RGPD3: variants seen among roughly 807,000 people sequenced by gnomAD.
RGPD3 encodes the protein ranBP2-like and GRIP domain-containing protein 3.
A neutral mutation model predicts 154.5 loss-of-function variants in RGPD3; 62 were observed. The observed-to-expected ratio is 0.40, with a 90% CI of 0.33 to 0.50. The LOEUF (loss-of-function observed/expected upper bound fraction) is 0.50, where lower values mean the gene tolerates loss of function less well. Among genes scored for constraint, RGPD3 ranks in the 20% least tolerant of loss-of-function variants. The pLI, the probability that RGPD3 is intolerant of heterozygous loss-of-function variation, is 0.59. For synonymous variants in RGPD3, 308 were observed against 607.0 expected, an observed-to-expected ratio of 0.51 and a Z score of 7.24; for missense variants, 919 against 1,716.8, an observed-to-expected ratio of 0.54 and a Z score of 8.21.
At chr2:106,415,050 A>G in intron 21 of RGPD3, among the ~76,000 whole-genome samples, 1 of 151,920 alleles carries the variant, frequency 6.6e-6, no homozygotes, top group Admixed American at 6.6e-5. Flanking sequence ...CTGAGGGGTG[A>G]TTTATCAGTG....
chr2:106,440,437 T>C, intron 8 of RGPD3, among the ~76,000 whole-genome samples: 1 of 151,622 alleles, frequency 6.6e-6, no homozygotes, highest in East Asian at 1.9e-4. Context: ...ATACAGGCAA[T>C]TTTTATCTAA....
At chr2:106,408,789 G>C (rs1676583718) in intron 22 of RGPD3, among the ~76,000 whole-genome samples, 1 of 151,982 alleles carries the variant, frequency 6.6e-6, no homozygotes, top group Non-Finnish European at 1.5e-5. Flanking sequence ...TTATAACAAA[G>C]AATCCTGCTG....
intron 1 of RGPD3, among the ~76,000 whole-genome samples, chr2:106,462,417 G>A (rs866767690): frequency 6.6e-6 from 1 of 150,572 alleles, no homozygotes; most frequent in Non-Finnish European, 1.5e-5. Context: ...ATATAGCTAG[G>A]AAGGAGCACA....
chr2:106,454,942 A>G (rs1678201888), intron 4 of RGPD3, among the ~76,000 whole-genome samples: 1 of 152,198 alleles, frequency 6.6e-6, no homozygotes, highest in African/African-American at 2.4e-5. Context: ...AAAAATCTGG[A>G]CATGATTGTT....
intron 1 of RGPD3, 127 bp downstream of exon 1, chr2:106,468,090 C>T: frequency 7.9e-7 from 1 of 1,265,774 alleles, no homozygotes; most frequent in South Asian, 1.6e-5. Flanking sequence ...GCCGCCTCCA[C>T]AGAGCGCGCC....
chr2:106,412,992 T>C (rs1676719590), intron 22 of RGPD3, 92 bp downstream of exon 22: 4 of 1,578,320 alleles, frequency 2.5e-6, no homozygotes, highest in African/African-American at 1.4e-5. Context: ...ATGAGCAAAA[T>C]TGAAAAGTTA....
chr2:106,448,022 TAAGTA>T (rs1452525548), intron 6 of RGPD3, among the ~76,000 whole-genome samples: 1 of 151,260 alleles, frequency 6.6e-6, no homozygotes, highest in Non-Finnish European at 1.5e-5. Flanking sequence ...TTCCAAATTA[TAAGTA>T]AATAATTGAC....
chr2:106,451,093 A>AC, intron 6 of RGPD3, among the ~76,000 whole-genome samples: 2 of 144,530 alleles, frequency 1.4e-5, no homozygotes, highest in African/African-American at 5.1e-5. Flanking sequence ...CTCTCAAAAA[A>AC]AAAAAAACAA....
chr2:106,416,039 T>C, intron 20 of RGPD3, 50 bp from the exon 21 acceptor site: 1 of 1,594,812 alleles, frequency 6.3e-7, no homozygotes, highest in Non-Finnish European at 8.5e-7. Context: ...ACATTACAGA[T>C]GAAGATTCTA....
Position 106,403,727 on chromosome 2 carries a change from A to G in RGPD3, c.*1492T>C, listed in dbSNP as rs1250618592. ...GAAATAGATGCATTTTCATTCATAC[A>G]TTCGCTAGTTAGGTCTGTTCTTCTA... On this transcript the variant is annotated 3_prime_UTR_variant, in exon 23 of 23. Transcript: ENST00000409886. 6.6e-6 allele frequency among the ~76,000 whole-genome samples: 1 copy of G among 152,280 alleles called. No homozygotes were observed. Among genetic ancestry groups the G allele is most frequent in the Non-Finnish European group, 1.5e-5 (1 of 68,054 alleles).
intron 1 of RGPD3, 144 bp from the exon 2 acceptor site, chr2:106,459,476 G>A: frequency 1.4e-5 from 6 of 441,972 alleles, no homozygotes; most frequent in South Asian, 1.3e-4. Flanking sequence ...CCTGACAAAT[G>A]CATAATTCCA....
At chr2:106,462,723 A>G (rs1292575838) in intron 1 of RGPD3, among the ~76,000 whole-genome samples, 1 of 152,008 alleles carries the variant, frequency 6.6e-6, no homozygotes, top group Non-Finnish European at 1.5e-5. Context: ...TCGCTCTGTC[A>G]CCCATCTTGC....
intron 7 of RGPD3, among the ~76,000 whole-genome samples, chr2:106,446,450 G>A (rs1677935522): frequency 6.7e-6 from 1 of 149,814 alleles, no homozygotes; most frequent in East Asian, 2.0e-4. Context: ...GGTGCCTGTA[G>A]TCCCAGCTAC....
Position 106,445,268 on chromosome 2 carries a change from G to A in RGPD3, c.978+2150C>T, listed in dbSNP as rs1166401535. Among the ~76,000 whole-genome samples the A allele has an allele frequency of 1.3e-4, 19 of 149,264 alleles. No individual in the cohort carries two copies. The East Asian group carries it at 2.2e-3, about 17-fold the overall frequency. ...CGTGCCACTGTGCTCCAGCCTGGGC[G>A]ACAGAGTGAGACTCCGTCTCAAAAA... is the stretch of plus-strand genomic sequence containing the variant. On this transcript the variant is annotated intron_variant, in intron 7 of 22. Coordinates refer to ENST00000409886, the MANE Select transcript of RGPD3 (RefSeq NM_001144013.2).
intron 7 of RGPD3, among the ~76,000 whole-genome samples, chr2:106,441,700 A>G (rs560093313): frequency 7.5e-5 from 11 of 147,184 alleles, no homozygotes; most frequent in African/African-American, 2.7e-4. Context: ...ACTAAAAATA[A>G]AAAAAAAAAA....
intron 20 of RGPD3, among the ~76,000 whole-genome samples, chr2:106,418,138 A>G (rs1676869974): frequency 1.4e-5 from 2 of 144,598 alleles, no homozygotes; most frequent in Non-Finnish European, 3.0e-5. Flanking sequence ...AAACAAAAAA[A>G]CAAACAAAAA....
Position 106,421,780 on chromosome 2 carries a change from G to A in RGPD3, c.4924+1263C>T, listed in dbSNP as rs1228126419. Among the ~76,000 whole-genome samples the A allele has an allele frequency of 1.9e-4, 29 of 151,394 alleles. 1 individual carries two copies. The highest frequency in any genetic ancestry group is 5.9e-4 in the East Asian group (3 of 5,098). On this transcript the variant is annotated intron_variant, in intron 20 of 22. Transcript: ENST00000409886. ...CCACTACATGTGAATACTGGCAGAC[G>A]TTAGTGGCTAAAGATAAACATTAGA... is the stretch of plus-strand genomic sequence containing the variant.
chr2:106,454,663 G>A (rs1678194423), intron 4 of RGPD3, among the ~76,000 whole-genome samples: 1 of 151,640 alleles, frequency 6.6e-6, no homozygotes, highest in South Asian at 2.1e-4. Flanking sequence ...TTTAAAGAAT[G>A]CTTCAAAGTA....
chr2:106,444,630 G>T (rs1201423454), intron 7 of RGPD3, among the ~76,000 whole-genome samples: 1 of 133,020 alleles, frequency 7.5e-6, no homozygotes, highest in Non-Finnish European at 1.6e-5. Flanking sequence ...AGACCAACCA[G>T]CCTGGGAAAC....
Sources: allele counts gnomAD v4.1 joint callset (sites outside exome capture counted in the v4.1 genomes callset), GRCh38; gene constraint gnomAD v4.1.1; transcripts MANE v1.5; gene names NCBI Gene and HGNC (gene_info 2026-07-23, HGNC 2026-07-21).